NHSL1: variants seen among roughly 807,000 people sequenced by gnomAD.
NHSL1 encodes the protein NHS like 1.
A neutral mutation model predicts 95.0 loss-of-function variants in NHSL1; 48 were observed. That is an observed-to-expected ratio of 0.51 (90% CI 0.40 to 0.64). The LOEUF is 0.64. Ranked by LOEUF, NHSL1 falls within the 30% of genes least tolerant of loss-of-function variation. The pLI is 0.00. For synonymous variants in NHSL1, 783 were observed against 833.9 expected (o/e 0.94, Z 1.05); for missense variants, 1,971 against 2,077.7 (o/e 0.95, Z 1.00).
intron 1 of NHSL1, among the ~76,000 whole-genome samples, chr6:138,637,547 A>C (rs561339847): frequency 6.6e-6 from 1 of 152,286 alleles, no homozygotes; most frequent in East Asian, 1.9e-4. Flanking sequence ...CTCTATCAGC[A>C]AAAAATCTAA....
intron 1 of NHSL1, among the ~76,000 whole-genome samples, chr6:138,685,021 T>C (rs547053056): frequency 3.3e-5 from 5 of 152,236 alleles, no homozygotes; most frequent in Admixed American, 6.5e-5. Flanking sequence ...TTTTTAAACA[T>C]AATAAAATGA....
At chr6:138,545,708 C>T (rs1782765034) in exon 1 of NHSL1, 1 of 1,280,768 alleles carries the variant, frequency 7.8e-7, no homozygotes, top group Non-Finnish European at 1.0e-6. Flanking sequence ...GCACAGCTGT[C>T]TCCCAGCCCA....
At chr6:138,667,967 T>C (rs1785315862) in intron 1 of NHSL1, among the ~76,000 whole-genome samples, 2 of 152,238 alleles carry the variant, frequency 1.3e-5, no homozygotes, top group African/African-American at 2.4e-5. Context: ...TAATAGTTAA[T>C]ATTTAACTTC....
At chr6:138,675,668 G>T (rs993394603) in intron 1 of NHSL1, among the ~76,000 whole-genome samples, 1 of 152,016 alleles carries the variant, frequency 6.6e-6, no homozygotes, top group Non-Finnish European at 1.5e-5. Flanking sequence ...CCAAATAGCT[G>T]GGATTACAGG....
upstream of NHSL1, among the ~76,000 whole-genome samples, chr6:138,501,103 T>G (rs1780650587): frequency 6.6e-6 from 1 of 152,190 alleles, no homozygotes; most frequent in South Asian, 2.1e-4. Flanking sequence ...CCACAAGTGT[T>G]TGAGGTTAAG....
At chr6:138,507,326 TCA>T (rs1472431980) in intron 1 of NHSL1, among the ~76,000 whole-genome samples, 1 of 152,184 alleles carries the variant, frequency 6.6e-6, no homozygotes, top group East Asian at 1.9e-4. Context: ...GCAAAAGCAA[TCA>T]GTCTTAACTT....
At chr6:138,529,614 A>G (rs1782052278) in intron 1 of NHSL1, among the ~76,000 whole-genome samples, 1 of 152,198 alleles carries the variant, frequency 6.6e-6, no homozygotes. Flanking sequence ...CTTTTATCTG[A>G]AGGCTGTGCA....
upstream of NHSL1, among the ~76,000 whole-genome samples, chr6:138,573,943 A>G (rs114775932): frequency 6.6e-6 from 1 of 151,494 alleles, no homozygotes; most frequent in African/African-American, 2.4e-5. Flanking sequence ...CCATTATTTT[A>G]TTTTCTTTTT....
At chr6:138,595,640 T>A (rs1784293377) in intron 1 of NHSL1, among the ~76,000 whole-genome samples, 1 of 152,250 alleles carries the variant, frequency 6.6e-6, no homozygotes, top group South Asian at 2.1e-4. Context: ...TTCAATATCA[T>A]AGGGTAACCT....
chr6:138,677,231 G>C (rs9495201), intron 1 of NHSL1, among the ~76,000 whole-genome samples: 1 of 152,102 alleles, frequency 6.6e-6, no homozygotes, highest in African/African-American at 2.4e-5. Context: ...AGTTTTCCTA[G>C]TTACATTTTT....
At chr6:138,532,613 T>TC (rs966294975) in intron 1 of NHSL1, among the ~76,000 whole-genome samples, 47 of 151,968 alleles carry the variant, frequency 3.1e-4, no homozygotes, top group African/African-American at 1.1e-3. Flanking sequence ...TCTCATTTGA[T>TC]CCCCCACAAA....
chr6:138,576,417 C>T (rs1322492800), upstream of NHSL1, among the ~76,000 whole-genome samples: 4 of 152,196 alleles, frequency 2.6e-5, no homozygotes, highest in Admixed American at 1.3e-4. Context: ...ACTGCCTTGT[C>T]CCCATGTGAG....
intron 1 of NHSL1, among the ~76,000 whole-genome samples, chr6:138,691,372 A>G (rs946754030): frequency 6.6e-5 from 10 of 152,282 alleles, no homozygotes; most frequent in African/African-American, 1.9e-4. Flanking sequence ...AAGATGTATT[A>G]TAGCAAGCAA....
intron 1 of NHSL1, among the ~76,000 whole-genome samples, chr6:138,643,271 TGAGG>T (rs777628945): frequency 5.9e-5 from 9 of 152,120 alleles, no homozygotes; most frequent in Non-Finnish European, 1.0e-4. Context: ...ACAGTAAAAT[TGAGG>T]GAGATACAGA....
chr6:138,562,523 G>C (rs1783450768), intron 1 of NHSL1, among the ~76,000 whole-genome samples: 1 of 152,068 alleles, frequency 6.6e-6, no homozygotes, highest in Non-Finnish European at 1.5e-5. Flanking sequence ...CTAGCCAGGC[G>C]TGGTGGCACA....
At chr6:138,471,222 A>G (rs1778730199) in intron 3 of NHSL1, among the ~76,000 whole-genome samples, 1 of 152,176 alleles carries the variant, frequency 6.6e-6, no homozygotes, top group Non-Finnish European at 1.5e-5. Context: ...TTATTTTTCC[A>G]TTCTCCAGAA....
At chr6:138,606,327 A>G (rs1245704183) in intron 1 of NHSL1, among the ~76,000 whole-genome samples, 1 of 152,264 alleles carries the variant, frequency 6.6e-6, no homozygotes, top group Non-Finnish European at 1.5e-5. Flanking sequence ...AATTTCATCA[A>G]CTATCATCAC....
At chr6:138,622,992 T>C (rs905806874) in intron 1 of NHSL1, among the ~76,000 whole-genome samples, 2 of 152,018 alleles carry the variant, frequency 1.3e-5, no homozygotes, top group African/African-American at 2.4e-5. Context: ...AAAGGGGATA[T>C]GGGAAAGTAA....
intron 1 of NHSL1, among the ~76,000 whole-genome samples, chr6:138,611,637 T>G (rs1457639779): frequency 1.3e-5 from 2 of 151,860 alleles, no homozygotes; most frequent in Non-Finnish European, 2.9e-5. Flanking sequence ...TCCCAGCCAC[T>G]CGGGAGGCTG....
Sources: allele counts gnomAD v4.1 joint callset (sites outside exome capture counted in the v4.1 genomes callset), GRCh38; gene constraint gnomAD v4.1.1; transcripts MANE v1.5; gene names NCBI Gene and HGNC (gene_info 2026-07-23, HGNC 2026-07-21).